KPNA3: variants seen among roughly 807,000 people sequenced by gnomAD.
KPNA3 encodes importin subunit alpha-4.
A neutral mutation model predicts 73.8 loss-of-function variants in KPNA3; 13 were observed. The ratio of observed to expected loss-of-function variants is 0.18; its 90% CI spans 0.11 to 0.28. The LOEUF (loss-of-function observed/expected upper bound fraction) is 0.28, where lower values mean the gene tolerates loss of function less well. Ranked by LOEUF, KPNA3 falls within the 10% of genes least tolerant of loss-of-function variation. KPNA3 has a pLI of 1.00. For missense variants in KPNA3, 360 were observed against 618.1 expected (o/e 0.58, Z 4.43); for synonymous variants, 186 against 206.9 (o/e 0.90, Z 0.87).
At chr13:49,715,765 C>A (rs1954298691) in intron 10 of KPNA3, among the ~76,000 whole-genome samples, 1 of 152,196 alleles carries the variant, frequency 6.6e-6, no homozygotes, top group Non-Finnish European at 1.5e-5. Context: ...TGCATTTACT[C>A]TTTGACCCAG....
At chr13:49,751,400 C>T (rs1000898412) in intron 1 of KPNA3, among the ~76,000 whole-genome samples, 2 of 152,228 alleles carry the variant, frequency 1.3e-5, no homozygotes, top group African/African-American at 4.8e-5. Context: ...AAGCCACCAT[C>T]ATCTAATCTG....
chr13:49,790,194 T>C (rs1955021021), intron 1 of KPNA3, among the ~76,000 whole-genome samples: 1 of 152,186 alleles, frequency 6.6e-6, no homozygotes, highest in Non-Finnish European at 1.5e-5. Flanking sequence ...CAGCTGGGTG[T>C]GACGACTAGC....
At chr13:49,733,833 A>C (rs1183855400) in intron 2 of KPNA3, among the ~76,000 whole-genome samples, 1 of 152,214 alleles carries the variant, frequency 6.6e-6, no homozygotes, top group African/African-American at 2.4e-5. Context: ...TGTGGACAAC[A>C]AACAAGTCCC....
At chr13:49,720,417 A>G (rs1377817604) in intron 9 of KPNA3, among the ~76,000 whole-genome samples, 1 of 152,196 alleles carries the variant, frequency 6.6e-6, no homozygotes, top group Non-Finnish European at 1.5e-5. Context: ...ATACCTTTGC[A>G]TAGCAACAAA....
chr13:49,777,178 C>T (rs1411110582), intron 1 of KPNA3, among the ~76,000 whole-genome samples: 2 of 152,228 alleles, frequency 1.3e-5, no homozygotes, highest in Non-Finnish European at 2.9e-5. Context: ...ATTCAGCTTT[C>T]TACCTTTCAG....
At chr13:49,773,495 G>A (rs891493376) in intron 1 of KPNA3, among the ~76,000 whole-genome samples, 1 of 151,764 alleles carries the variant, frequency 6.6e-6, no homozygotes, top group Non-Finnish European at 1.5e-5. Flanking sequence ...TATGCACTTG[G>A]ATCTGTGTTG....
At chr13:49,754,657 A>G (rs1366622356) in intron 1 of KPNA3, among the ~76,000 whole-genome samples, 1 of 151,988 alleles carries the variant, frequency 6.6e-6, no homozygotes, top group Non-Finnish European at 1.5e-5. Context: ...GCCAAAAAAA[A>G]AGAGAAAATG....
intron 12 of KPNA3, among the ~76,000 whole-genome samples, chr13:49,708,696 T>C (rs1379097379): frequency 3.3e-5 from 5 of 152,132 alleles, no homozygotes; most frequent in African/African-American, 4.8e-5. Flanking sequence ...TATTCAGCCA[T>C]AGAAAGAATA....
At chr13:49,773,516 C>T (rs1954872440) in intron 1 of KPNA3, among the ~76,000 whole-genome samples, 1 of 152,022 alleles carries the variant, frequency 6.6e-6, no homozygotes, top group African/African-American at 2.4e-5. Flanking sequence ...CTTATCAACA[C>T]TTGGGGCGGC....
intron 12 of KPNA3, among the ~76,000 whole-genome samples, chr13:49,707,270 T>A (rs566896593): frequency 1.2e-4 from 19 of 152,230 alleles, no homozygotes; most frequent in Non-Finnish European, 2.4e-4. Flanking sequence ...CAGGTTAGTA[T>A]CACATGTGTA....
At chr13:49,713,589 C>A in intron 10 of KPNA3, among the ~76,000 whole-genome samples, 1 of 137,626 alleles carries the variant, frequency 7.3e-6, no homozygotes, top group Admixed American at 7.5e-5. Flanking sequence ...AAAGGCTTTT[C>A]TATATAGAAA....
At chr13:49,721,075 C>T (rs1954351839) in intron 9 of KPNA3, among the ~76,000 whole-genome samples, 3 of 151,950 alleles carry the variant, frequency 2.0e-5, no homozygotes, top group South Asian at 2.1e-4. Flanking sequence ...AAAAACTAGC[C>T]GGGTGTGGTG....
At chr13:49,709,412 A>G (rs1954238575) in intron 12 of KPNA3, among the ~76,000 whole-genome samples, 160 bp downstream of exon 12, 1 of 152,034 alleles carries the variant, frequency 6.6e-6, no homozygotes, top group Non-Finnish European at 1.5e-5. Flanking sequence ...AAAAAAAAAA[A>G]AAAAGTTGAA....
At position 49,725,481 on chromosome 13, in the gene KPNA3, G is replaced by C; in HGVS notation, c.404C>G (p.Ala135Gly). 1 of 1,611,226 alleles carries C rather than the reference G, an allele frequency of 6.2e-7. No homozygotes were observed. ...TGCTATGTTAGTTAATGCCCAAGCA[G>C]CTTCAAACTGTAATGAAGGACTGTA... is the stretch of plus-strand genomic sequence containing the variant. ...RDDNPSLQFE[A>G]AWALTNIASG... Residue 135 changes from alanine (A) to glycine (G), a missense_variant, in exon 7 of 17, where the codon GCT becomes GGT. Physicochemically the swap from Ala to Gly is moderately conservative, Grantham distance 60. Coordinates refer to ENST00000261667, the MANE Select transcript of KPNA3 (RefSeq NM_002267.4).
chr13:49,709,754 C>G lies in KPNA3; in HGVS notation c.904-54G>C, dbSNP rs966523101. 50 of 1,526,748 alleles carry G rather than the reference C, an allele frequency of 3.3e-5. 1 individual carries two copies. In the East Asian group the frequency reaches 1.1e-3, roughly 35 times the overall value. 94.6% of individuals were successfully genotyped at this position (1,526,748 alleles called of 1,614,324 possible). A position where few individuals can be genotyped will look rare whatever the true frequency, so the allele number is the denominator to read the frequency against. ...AATTTATTTGCTTATAAGACTAATT[C>G]TATATTTTTCATAATCCTGAGAAAA... On this transcript the variant is annotated intron_variant, in intron 11 of 16. Coordinates refer to ENST00000261667, the MANE Select transcript of KPNA3 (RefSeq NM_002267.4).
At chr13:49,746,103 G>T (rs1298112942) in intron 2 of KPNA3, among the ~76,000 whole-genome samples, 4 of 147,690 alleles carry the variant, frequency 2.7e-5, no homozygotes, top group African/African-American at 5.0e-5. Flanking sequence ...TAAAGAAAGA[G>T]AATTCACTAT....
intron 10 of KPNA3, among the ~76,000 whole-genome samples, chr13:49,718,258 T>G (rs557490252): frequency 6.6e-6 from 1 of 152,262 alleles, no homozygotes; most frequent in Non-Finnish European, 1.5e-5. Flanking sequence ...TCTTTCCTTT[T>G]AACTCTTTTT....
At chr13:49,712,929 A>C (rs2137537040) in intron 10 of KPNA3, among the ~76,000 whole-genome samples, 1 of 152,092 alleles carries the variant, frequency 6.6e-6, no homozygotes, top group South Asian at 2.1e-4. Context: ...TGACAGTTCA[A>C]ATCAATCTAT....
chr13:49,703,356 G>GT (rs1207744329), intron 15 of KPNA3, among the ~76,000 whole-genome samples: 5 of 148,640 alleles, frequency 3.4e-5, no homozygotes, highest in Non-Finnish European at 7.5e-5. Context: ...AATTTTTTGT[G>GT]TTTTTAGTAG....
Sources: allele counts gnomAD v4.1 joint callset (sites outside exome capture counted in the v4.1 genomes callset), GRCh38; gene constraint gnomAD v4.1.1; transcripts MANE v1.5; gene names NCBI Gene and HGNC (gene_info 2026-07-23, HGNC 2026-07-21).